The following CAMKMT variants were observed in gnomAD, a reference collection of about 807,000 sequenced individuals.
CAMKMT encodes calmodulin-lysine N-methyltransferase.
A neutral mutation model predicts 48.0 loss-of-function variants in CAMKMT; 53 were observed. The observed-to-expected ratio is 1.10, with a 90% CI of 0.89 to 1.39. The LOEUF (loss-of-function observed/expected upper bound fraction) is 1.39, where lower values mean the gene tolerates loss of function less well. Ranked by LOEUF, CAMKMT falls within the 40% of genes most tolerant of loss-of-function variation. The probability of loss-of-function intolerance (pLI) is 0.00; values close to 1 mark genes in which losing one functional copy is unlikely to be tolerated. For synonymous variants in CAMKMT, 165 were observed against 152.3 expected (o/e 1.08, Z -0.61); for missense variants, 428 against 402.7 (o/e 1.06, Z -0.54).
intron 3 of CAMKMT, among the ~76,000 whole-genome samples, chr2:44,526,836 CA>C (rs1666138355): frequency 6.6e-6 from 1 of 152,074 alleles, no homozygotes; most frequent in South Asian, 2.1e-4. Context: ...TTAACTATTA[CA>C]AAAGCCCCCA....
At chr2:44,696,521 C>T in intron 3 of CAMKMT, among the ~76,000 whole-genome samples, 1 of 152,048 alleles carries the variant, frequency 6.6e-6, no homozygotes, top group South Asian at 2.1e-4. Flanking sequence ...CCCTCTACTC[C>T]AACAAAAAAC....
intron 10 of CAMKMT, among the ~76,000 whole-genome samples, chr2:44,770,924 T>C (rs1033363310): frequency 6.6e-6 from 1 of 152,162 alleles, no homozygotes; most frequent in Non-Finnish European, 1.5e-5. Context: ...GGAAAGTAGA[T>C]TGGAAAGTGG....
chr2:44,663,035 G>C (rs1030508363), intron 3 of CAMKMT, among the ~76,000 whole-genome samples: 8 of 152,168 alleles, frequency 5.3e-5, no homozygotes, highest in African/African-American at 1.9e-4. Flanking sequence ...GTAAATTGCA[G>C]ATTATCATGC....
At chr2:44,669,039 T>TCCTC (rs1211235946) in intron 3 of CAMKMT, among the ~76,000 whole-genome samples, 1 of 152,170 alleles carries the variant, frequency 6.6e-6, no homozygotes, top group East Asian at 1.9e-4. Flanking sequence ...CACTTCAGCC[T>TCCTC]CCCACAGTGC....
intron 3 of CAMKMT, among the ~76,000 whole-genome samples, chr2:44,683,838 A>AAAG (rs1327306847): frequency 3.3e-5 from 5 of 149,364 alleles, no homozygotes; most frequent in East Asian, 1.9e-4. Context: ...AAAAAAAAAA[A>AAAG]AAAAAGAAAA....
At chr2:44,734,307 A>G (rs1217031243) in intron 7 of CAMKMT, among the ~76,000 whole-genome samples, 4 of 151,602 alleles carry the variant, frequency 2.6e-5, no homozygotes, top group Non-Finnish European at 5.9e-5. Flanking sequence ...TATTCTTTGG[A>G]CCCCAGGTTA....
chr2:44,634,919 G>A (rs1050048928), intron 3 of CAMKMT, among the ~76,000 whole-genome samples: 3 of 151,812 alleles, frequency 2.0e-5, no homozygotes, highest in Non-Finnish European at 2.9e-5. Context: ...TAATAAATGT[G>A]TCTGTAGGGC....
chr2:44,435,383 G>A (rs764448813), intron 3 of CAMKMT, among the ~76,000 whole-genome samples: 10 of 152,108 alleles, frequency 6.6e-5, no homozygotes, highest in Non-Finnish European at 1.3e-4. Flanking sequence ...CTAGATTTAG[G>A]AGAATTGTTG....
chr2:44,448,333 T>TC lies in CAMKMT; in HGVS notation c.376+58029dup, dbSNP rs141493476. On this transcript the variant is annotated intron_variant, in intron 3 of 10. Coordinates refer to ENST00000378494, the MANE Select transcript of CAMKMT (RefSeq NM_024766.5). Reference sequence around the variant, plus strand: ...ATTTCAAACCTGTGTTGTTCAAGGGTCAGCTATCTATAGTATTGCATGATA... The same window carrying TC: ...ATTTCAAACCTGTGTTGTTCAAGGGTCCAGCTATCTATAGTATTGCATGATA... Among the ~76,000 whole-genome samples, 7 of 152,326 alleles carry TC rather than the reference T, an allele frequency of 4.6e-5. No homozygotes were observed. In the East Asian group the frequency reaches 1.3e-3, roughly 29 times the overall value.
At chr2:44,561,690 A>G (rs1668330669) in intron 3 of CAMKMT, among the ~76,000 whole-genome samples, 1 of 152,234 alleles carries the variant, frequency 6.6e-6, no homozygotes, top group African/African-American at 2.4e-5. Context: ...AGCTTAAGCT[A>G]TAGATAGACA....
intron 6 of CAMKMT, among the ~76,000 whole-genome samples, chr2:44,709,361 A>G (rs1210779830): frequency 6.6e-6 from 1 of 152,170 alleles, no homozygotes; most frequent in Non-Finnish European, 1.5e-5. Context: ...CAAAACTGGT[A>G]GTGTGTTTTA....
rs138560366 is a variant in CAMKMT at position 44,424,245 on chromosome 2, C to T, written c.376+33940C>T. The stretch of plus-strand genomic sequence containing the variant: ...CAAGCCCTCCTGTAGTGGGAGCGGT[C>T]GCAGACAAAACCTCTTGGACACCGG... On this transcript the variant is annotated intron_variant, in intron 3 of 10. Coordinates refer to ENST00000378494, the MANE Select transcript of CAMKMT (RefSeq NM_024766.5). 3.3e-3 allele frequency among the ~76,000 whole-genome samples: 496 copies of T among 151,744 alleles called. 1 individual carries two copies. The highest frequency in any genetic ancestry group is 0.011 in the African/African-American group (469 of 41,312).
chr2:44,467,845 A>C (rs1668204140), intron 3 of CAMKMT, among the ~76,000 whole-genome samples: 1 of 152,194 alleles, frequency 6.6e-6, no homozygotes. Context: ...ACCATGCACA[A>C]AAATCATCTC....
intron 3 of CAMKMT, among the ~76,000 whole-genome samples, chr2:44,577,838 T>C (rs959501025): frequency 1.3e-5 from 2 of 152,210 alleles, no homozygotes; most frequent in African/African-American, 2.4e-5. Flanking sequence ...TTTTCCAAAG[T>C]AACCCTTATC....
At chr2:44,506,107 G>A (rs1044920309) in intron 3 of CAMKMT, among the ~76,000 whole-genome samples, 3 of 151,912 alleles carry the variant, frequency 2.0e-5, no homozygotes, top group Admixed American at 6.6e-5. Flanking sequence ...TCATTCCACC[G>A]TGGCCTCCCA....
chr2:44,584,979 C>T (rs1340198092), intron 3 of CAMKMT, among the ~76,000 whole-genome samples: 1 of 151,526 alleles, frequency 6.6e-6, no homozygotes, highest in African/African-American at 2.4e-5. Context: ...GACATGAACC[C>T]ACGAGGCGGA....
At chr2:44,576,322 C>T (rs557567574) in intron 3 of CAMKMT, among the ~76,000 whole-genome samples, 1 of 130,430 alleles carries the variant, frequency 7.7e-6, no homozygotes, top group Non-Finnish European at 1.6e-5. Flanking sequence ...GAGTGAAACT[C>T]TGTCTAAAAA....
intron 7 of CAMKMT, among the ~76,000 whole-genome samples, chr2:44,717,167 T>A (rs961237463): frequency 6.6e-6 from 1 of 152,222 alleles, no homozygotes; most frequent in South Asian, 2.1e-4. Flanking sequence ...CTAGATATAT[T>A]GCTCTGATAT....
chr2:44,638,378 C>G (rs1673261584), intron 3 of CAMKMT, among the ~76,000 whole-genome samples: 1 of 152,130 alleles, frequency 6.6e-6, no homozygotes. Context: ...AGCAACCTTC[C>G]CTTTACTGCA....
Sources: allele counts gnomAD v4.1 joint callset (sites outside exome capture counted in the v4.1 genomes callset), GRCh38; gene constraint gnomAD v4.1.1; transcripts MANE v1.5; gene names NCBI Gene and HGNC (gene_info 2026-07-23, HGNC 2026-07-21).